IGSF21: variants seen among roughly 807,000 people sequenced by gnomAD.
IGSF21 encodes the protein immunoglobulin superfamily member 21.
A neutral mutation model predicts 46.8 loss-of-function variants in IGSF21; 28 were observed. That is an observed-to-expected ratio of 0.60 (90% CI 0.44 to 0.82). The LOEUF is 0.82. Among genes scored for constraint, IGSF21 ranks in the 40% least tolerant of loss-of-function variants. The pLI is 0.00. For missense variants in IGSF21, 624 were observed against 665.5 expected (o/e 0.94, Z 0.69); for synonymous variants, 284 against 273.6 (o/e 1.04, Z -0.38).
chr1:18,261,193 T>TA (rs1188855040), intron 2 of IGSF21, among the ~76,000 whole-genome samples: 1 of 152,170 alleles, frequency 6.6e-6, no homozygotes, highest in Non-Finnish European at 1.5e-5. Context: ...TTGCAGCAAC[T>TA]AAATGAGAGG....
At chr1:18,348,385 A>G (rs537808533) in intron 4 of IGSF21, among the ~76,000 whole-genome samples, 2 of 152,314 alleles carry the variant, frequency 1.3e-5, no homozygotes, top group South Asian at 4.1e-4. Flanking sequence ...CTCTTGTTCC[A>G]GAGTCAGATC....
At chr1:18,285,186 T>C (rs1226210291) in intron 2 of IGSF21, among the ~76,000 whole-genome samples, 1 of 59,778 alleles carries the variant, frequency 1.7e-5, no homozygotes, top group African/African-American at 4.1e-5. Context: ...ATTTTCCCCT[T>C]TTCTTTTTTT....
In IGSF21 at chr1:18,192,454, T is replaced by A. The variant is rs1231162695; in HGVS notation, c.71-35444T>A. On this transcript the variant is annotated intron_variant, in intron 1 of 9. Coordinates refer to ENST00000251296, the MANE Select transcript of IGSF21 (RefSeq NM_032880.5). ...GAGTCTGTATATCTGCAACATACTT[T>A]GAGGGTGCCTGAGGCACAGTTAGCG... 5.3e-5 allele frequency among the ~76,000 whole-genome samples: 8 copies of A among 152,258 alleles called. No homozygotes were observed. The East Asian group carries it at 1.5e-3, about 29-fold the overall frequency.
chr1:18,353,178 A>G (rs947052229), intron 4 of IGSF21, among the ~76,000 whole-genome samples: 1 of 151,288 alleles, frequency 6.6e-6, no homozygotes, highest in African/African-American at 2.4e-5. Flanking sequence ...GTTACTACTC[A>G]GTTCAATATT....
intron 1 of IGSF21, among the ~76,000 whole-genome samples, chr1:18,173,792 C>T (rs1203891745): frequency 2.6e-5 from 4 of 152,200 alleles, no homozygotes; most frequent in Admixed American, 1.3e-4. Context: ...CTCACTCTAT[C>T]GCCCAGGCTG....
At position 18,290,973 on chromosome 1, in the gene IGSF21, G is replaced by A. The variant is rs1335774542; in HGVS notation, c.184-893G>A. Among the ~76,000 whole-genome samples, 1 of 152,198 alleles carries A rather than the reference G, an allele frequency of 6.6e-6. No individual in the cohort carries two copies. The highest frequency in any genetic ancestry group is 1.5e-5 in the Non-Finnish European group (1 of 68,052). ...AGCTGCGAGAGGCTGCAAGCTCCCA[G>A]TCTATAATAGAGTTGCTGAGACAAG... On this transcript the variant is annotated intron_variant, in intron 2 of 9. Coordinates refer to ENST00000251296, the MANE Select transcript of IGSF21 (RefSeq NM_032880.5). The surrounding 1 kb of genome is among the most constrained non-coding windows in gnomAD (Gnocchi z 4.2).
intron 1 of IGSF21, among the ~76,000 whole-genome samples, chr1:18,167,249 GTGGGGAT>G (rs1214028181): frequency 5.4e-4 from 82 of 152,312 alleles, no homozygotes; most frequent in African/African-American, 1.8e-3. Context: ...TCCCCAAGAA[GTGGGGAT>G]TGGTCCAAGG....
intron 2 of IGSF21, among the ~76,000 whole-genome samples, chr1:18,262,757 A>C (rs1319023485): frequency 6.6e-6 from 1 of 152,202 alleles, no homozygotes; most frequent in Non-Finnish European, 1.5e-5. Flanking sequence ...CTGGGTGCTA[A>C]GAACCAAGTC....
At chr1:18,284,788 G>A (rs2085196615) in intron 2 of IGSF21, among the ~76,000 whole-genome samples, 2 of 152,204 alleles carry the variant, frequency 1.3e-5, no homozygotes, top group African/African-American at 4.8e-5. Context: ...TACAGCCAGG[G>A]AGCACCTCTT....
intron 1 of IGSF21, among the ~76,000 whole-genome samples, chr1:18,158,383 T>C (rs1194212691): frequency 1.3e-5 from 2 of 152,122 alleles, no homozygotes; most frequent in African/African-American, 4.8e-5. Context: ...AATGAAGTGT[T>C]TGTGGTTTAA....
intron 1 of IGSF21, among the ~76,000 whole-genome samples, chr1:18,192,539 C>T (rs2086967677): frequency 1.3e-5 from 2 of 152,196 alleles, no homozygotes; most frequent in South Asian, 4.1e-4. Flanking sequence ...CACTGGGACC[C>T]ATAGAGGGTA....
intron 1 of IGSF21, chr1:18,114,124 C>T (rs1044560083): frequency 5.9e-5 from 9 of 152,234 alleles, no homozygotes; most frequent in African/African-American, 2.2e-4. Context: ...GAGGATGGTT[C>T]ATGGCCCTCT....
chr1:18,179,429 GC>G (rs1229770842), intron 1 of IGSF21: 1 of 152,134 alleles, frequency 6.6e-6, no homozygotes, highest in East Asian at 1.9e-4. Context: ...GTGGGCCCCT[GC>G]CTCCATGTAA....
chr1:18,366,643 A>G (rs543196575), intron 6 of IGSF21, among the ~76,000 whole-genome samples: 1 of 152,308 alleles, frequency 6.6e-6, no homozygotes, highest in Non-Finnish European at 1.5e-5. Context: ...TCAGGAACAC[A>G]TAGGACATGG....
At chr1:18,196,385 G>A (rs1255689745) in intron 1 of IGSF21, among the ~76,000 whole-genome samples, 1 of 152,112 alleles carries the variant, frequency 6.6e-6, no homozygotes, top group East Asian at 1.9e-4. Context: ...GGGAGGAGAG[G>A]CCATGCCTTG....
intron 2 of IGSF21, among the ~76,000 whole-genome samples, chr1:18,238,420 G>A (rs957686953): frequency 1.1e-4 from 17 of 152,186 alleles, no homozygotes; most frequent in African/African-American, 4.1e-4. Context: ...GCCCTTGGAC[G>A]GGAAGAGGAG....
At chr1:18,173,781 T>C (rs1220406379) in intron 1 of IGSF21, among the ~76,000 whole-genome samples, 3 of 152,220 alleles carry the variant, frequency 2.0e-5, no homozygotes, top group Non-Finnish European at 4.4e-5. Flanking sequence ...GGAGACGGAG[T>C]CTCACTCTAT....
rs78287162 is a variant in IGSF21 at position 18,195,774 on chromosome 1, A to C, written c.71-32124A>C. Among the ~76,000 whole-genome samples the C allele has an allele frequency of 9.8e-4, 150 of 152,372 alleles. 2 individuals carry two copies. The East Asian group carries it at 0.025, about 25-fold the overall frequency. On this transcript the variant is annotated intron_variant, in intron 1 of 9. Coordinates refer to ENST00000251296, the MANE Select transcript of IGSF21 (RefSeq NM_032880.5). Reference sequence around the variant, plus strand: ...TTAAACACAATTATGTGTTCAAAGCAGAAAACACAGACCGGAATGAAATGA... The same window carrying C: ...TTAAACACAATTATGTGTTCAAAGCCGAAAACACAGACCGGAATGAAATGA...
At chr1:18,366,133 G>T in intron 6 of IGSF21, among the ~76,000 whole-genome samples, 1 of 152,088 alleles carries the variant, frequency 6.6e-6, no homozygotes, top group African/African-American at 2.4e-5. Flanking sequence ...TCACTGGGCT[G>T]GGTCAGCAAC....
Sources: gnomAD v4.1 joint callset for allele counts (sites outside exome capture counted in the v4.1 genomes callset) on GRCh38, gnomAD v4.1.1 for gene constraint, Gnocchi (gnomAD v3.1) non-coding constraint, MANE v1.5 for transcripts, NCBI Gene and HGNC (gene_info 2026-07-23, HGNC 2026-07-21) for gene names.